Variants in UBE2Z observed in about 807,000 individuals in gnomAD.
UBE2Z encodes the protein ubiquitin conjugating enzyme E2 Z, also known as ubiquitin-conjugating enzyme E2 Z.
UBE2Z carries 10 observed loss-of-function variants against 32.6 expected under a neutral mutation model. That is an observed-to-expected ratio of 0.31 (90% CI 0.19 to 0.52). The LOEUF (loss-of-function observed/expected upper bound fraction) is 0.52. UBE2Z is among the 20% of genes least tolerant of loss of function. UBE2Z has a pLI of 0.97. For missense variants in UBE2Z, 343 were observed against 480.9 expected, an observed-to-expected ratio of 0.71 and a Z score of 2.68; for synonymous variants, 183 against 190.8, an observed-to-expected ratio of 0.96 and a Z score of 0.34.
intron 3 of UBE2Z, among the ~76,000 whole-genome samples, chr17:48,913,978 C>G (rs965550724): frequency 2.6e-5 from 4 of 152,128 alleles, no homozygotes; most frequent in African/African-American, 9.7e-5. Flanking sequence ...CTCAAGCAGT[C>G]GTCCTCTTGT....
At chr17:48,910,570 C>G (rs111365879) in intron 1 of UBE2Z, 9 of 425,534 alleles carry the variant, frequency 2.1e-5, no homozygotes, top group African/African-American at 1.6e-4. Context: ...TTTTTCCTCT[C>G]TCCCTCCCCT....
chr17:48,928,535 G>GC lies in UBE2Z; in HGVS notation c.*1404dup, dbSNP rs1028604104. On this transcript the variant is annotated 3_prime_UTR_variant, in exon 7 of 7. Coordinates refer to ENST00000360943, the MANE Select transcript of UBE2Z (RefSeq NM_023079.5). ...GGAGAGGATAGTGTGTACCTGCCCT[G>GC]CCCTCTGCTATGAAGGTCTCTGCCT... 3 of 152,734 alleles carry GC rather than the reference G, an allele frequency of 2.0e-5. No individual in the cohort carries two copies. The highest frequency in any genetic ancestry group is 7.2e-5 in the African/African-American group (3 of 41,426). The allele number at this position is 152,734 out of a possible 1,614,324, so 9.5% of individuals were successfully genotyped here. A position where few individuals can be genotyped will look rare whatever the true frequency, so the allele number is the denominator to read the frequency against.
intron 6 of UBE2Z, 89 bp downstream of exon 6, chr17:48,923,026 A>T: frequency 2.5e-6 from 3 of 1,218,194 alleles, no homozygotes; most frequent in Non-Finnish European, 3.5e-6. Flanking sequence ...GCTGTCATAG[A>T]ATGACACAGC....
chr17:48,925,869 A>G (rs191715626), intron 6 of UBE2Z, among the ~76,000 whole-genome samples: 1 of 152,286 alleles, frequency 6.6e-6, no homozygotes, highest in East Asian at 1.9e-4. Flanking sequence ...GGATGAGGGT[A>G]ATGTGTGGGC....
chr17:48,908,481 G>A lies in UBE2Z; in HGVS notation c.-23G>A, dbSNP rs959660027. 1.6e-6 allele frequency: 2 copies of A among 1,231,744 alleles called. No homozygotes were observed. Among genetic ancestry groups the A allele is most frequent in the South Asian group, 8.2e-5 (2 of 24,482 alleles). The allele number at this position is 1,231,744 out of a possible 1,614,324, so 76.3% of individuals were successfully genotyped here. A position where few individuals can be genotyped will look rare whatever the true frequency, so the allele number is the denominator to read the frequency against. On this transcript the variant is annotated 5_prime_UTR_variant, in exon 1 of 7. Transcript: ENST00000360943. ...CTCTGGTCGGCGGACGTGCTGCCGAGTAGTCCCGGAAGCGAAGCAGCGATG... is the reference window on the plus strand; with the variant it reads ...CTCTGGTCGGCGGACGTGCTGCCGAATAGTCCCGGAAGCGAAGCAGCGATG...
At chr17:48,916,273 T>TTTA (rs2040719540) in intron 4 of UBE2Z, 86 bp downstream of exon 4, 1 of 608,768 alleles carries the variant, frequency 1.6e-6, no homozygotes, top group African/African-American at 1.9e-5. Flanking sequence ...TTTTTTTTTT[T>TTTA]GAGACAGAGT....
chr17:48,926,545 G>A (rs1037477237), intron 6 of UBE2Z, among the ~76,000 whole-genome samples: 1 of 148,412 alleles, frequency 6.7e-6, no homozygotes, highest in East Asian at 2.0e-4. Context: ...GTGCGATCTC[G>A]ATCTCAGCTG....
chr17:48,909,594 T>C (rs1324002573), intron 1 of UBE2Z, among the ~76,000 whole-genome samples: 1 of 132,188 alleles, frequency 7.6e-6, no homozygotes, highest in African/African-American at 2.9e-5. Flanking sequence ...ATGAAGCAAA[T>C]ATACTCATCA....
chr17:48,916,475 G>C (rs574582542), intron 4 of UBE2Z, among the ~76,000 whole-genome samples: 1 of 151,450 alleles, frequency 6.6e-6, no homozygotes, highest in East Asian at 2.0e-4. Flanking sequence ...CTGGTCTCCA[G>C]CTCCTGACCT....
chr17:48,923,317 T>C (rs2040775872), intron 6 of UBE2Z, among the ~76,000 whole-genome samples: 1 of 72,700 alleles, frequency 1.4e-5, no homozygotes, highest in Admixed American at 1.8e-4. Context: ...CGAGACTCTG[T>C]CTCAAAAAAA....
intron 6 of UBE2Z, 35 bp from the exon 7 acceptor site, chr17:48,926,929 T>A (rs2040802692): frequency 6.3e-7 from 1 of 1,594,122 alleles, no homozygotes; most frequent in African/African-American, 1.3e-5. Context: ...CACCCAGACT[T>A]GAATCTTCCA....
chr17:48,923,278 GC>G (rs915389589), intron 6 of UBE2Z, among the ~76,000 whole-genome samples: 2 of 141,998 alleles, frequency 1.4e-5, no homozygotes, highest in African/African-American at 5.6e-5. Flanking sequence ...CTGAAATTGT[GC>G]CACTGCACTT....
Position 48,912,857 on chromosome 17 carries a change from A to G in UBE2Z, c.414A>G (p.Pro138=). ...AGATTCATGCATTGATCACAGGCCCATTTGACACTCCTTATGAAGGGGGTT... is the reference window on the plus strand; with the variant it reads ...AGATTCATGCATTGATCACAGGCCCGTTTGACACTCCTTATGAAGGGGGTT... ...MTKIHALITG[P]FDTPYEGGFF... is the part of the protein sequence containing the mutation. Residue 138 remains proline, a synonymous_variant, in exon 3 of 7, where the codon CCA becomes CCG. Transcript: ENST00000360943. 2 of 1,613,618 alleles carry G rather than the reference A, an allele frequency of 1.2e-6. No homozygotes were observed. Among genetic ancestry groups the G allele is most frequent in the Non-Finnish European group, 1.7e-6 (2 of 1,179,808 alleles).
At chr17:48,915,709 C>T (rs572633047) in intron 3 of UBE2Z, 2 of 234,232 alleles carry the variant, frequency 8.5e-6, no homozygotes, top group African/African-American at 2.4e-5. Context: ...TCCATCACCA[C>T]CCATAAACAA....
At chr17:48,926,756 C>T (rs1273891461) in intron 6 of UBE2Z, among the ~76,000 whole-genome samples, 1 of 152,204 alleles carries the variant, frequency 6.6e-6, no homozygotes, top group Non-Finnish European at 1.5e-5. Context: ...GCTGGGATTA[C>T]AGGTGTGAGC....
chr17:48,924,662 A>G (rs956299732), intron 6 of UBE2Z, among the ~76,000 whole-genome samples: 31 of 151,998 alleles, frequency 2.0e-4, no homozygotes, highest in Admixed American at 1.7e-3. Context: ...CCTGGCCAAC[A>G]TGGTGAAACC....
chr17:48,916,259 T>TTTTTTG, intron 4 of UBE2Z, 72 bp downstream of exon 4: 2 of 304,930 alleles, frequency 6.6e-6, no homozygotes, highest in Non-Finnish European at 1.0e-5. Context: ...GGTTTTTTTG[T>TTTTTTG]TTTTTTTTTT....
At chr17:48,925,154 G>A (rs550415851) in intron 6 of UBE2Z, among the ~76,000 whole-genome samples, 28 of 151,828 alleles carry the variant, frequency 1.8e-4, no homozygotes, top group East Asian at 1.6e-3. Context: ...GTAGTGGTGC[G>A]TGCCTGTGGT....
chr17:48,919,576 T>A (rs1252780331), intron 4 of UBE2Z, among the ~76,000 whole-genome samples: 1 of 152,174 alleles, frequency 6.6e-6, no homozygotes, highest in Non-Finnish European at 1.5e-5. Context: ...TCCTGGGCTT[T>A]AGCCATCCTC....
Sources: allele counts gnomAD v4.1 joint callset (sites outside exome capture counted in the v4.1 genomes callset), GRCh38; gene constraint gnomAD v4.1.1; transcripts MANE v1.5; gene names NCBI Gene and HGNC (gene_info 2026-07-23, HGNC 2026-07-21).